Variants in DAB1 observed in about 807,000 individuals in gnomAD.
The protein encoded by DAB1 is disabled homolog 1.
A neutral mutation model predicts 64.6 loss-of-function variants in DAB1; 15 were observed. That is an observed-to-expected ratio of 0.23 (90% CI 0.16 to 0.36). DAB1 has a LOEUF of 0.36. DAB1 is among the 10% of genes least tolerant of loss of function. The pLI, the probability that DAB1 is intolerant of heterozygous loss-of-function variation, is 1.00. For missense variants in DAB1, 596 were observed against 706.7 expected (o/e 0.84, Z 1.78); for synonymous variants, 235 against 251.9 (o/e 0.93, Z 0.64).
chr1:58,424,723 A>G (rs1035184326), intron 3 of DAB1, among the ~76,000 whole-genome samples: 8 of 152,204 alleles, frequency 5.3e-5, no homozygotes, highest in Non-Finnish European at 7.3e-5. Context: ...GCTCAAAACT[A>G]AAATAATAGC....
intron 3 of DAB1, among the ~76,000 whole-genome samples, chr1:58,426,820 C>A (rs570703223): frequency 1.3e-5 from 2 of 152,242 alleles, no homozygotes; most frequent in South Asian, 4.1e-4. Context: ...TGAGTAAAAT[C>A]TATACTCTAT....
Position 57,251,409 on chromosome 1 carries a change from T to C in DAB1, c.67+39555A>G, listed in dbSNP as rs79075952. Among the ~76,000 whole-genome samples the C allele has an allele frequency of 1.1e-3, 161 of 152,328 alleles. 1 individual carries two copies. The highest frequency in any genetic ancestry group is 3.8e-3 in the African/African-American group (157 of 41,580). The stretch of plus-strand genomic sequence containing the variant: ...TTTGGTGAGGATGTACACCGTTTCA[T>C]CTTATAGGCAGATAAGTCTCCTTTA... On this transcript the variant is annotated intron_variant, in intron 2 of 14. Transcript: ENST00000371236.
chr1:57,035,968 G>A (rs1034183309), intron 9 of DAB1, among the ~76,000 whole-genome samples: 6 of 147,802 alleles, frequency 4.1e-5, no homozygotes, highest in East Asian at 2.0e-4. Flanking sequence ...TCAGCCTCCC[G>A]AGTAGCTGGA....
At chr1:58,059,106 T>A (rs1648329153) in intron 5 of DAB1, among the ~76,000 whole-genome samples, 1 of 152,230 alleles carries the variant, frequency 6.6e-6, no homozygotes, top group Admixed American at 6.5e-5. Context: ...TGTCCCTGCC[T>A]GTCTCCCTTA....
intron 3 of DAB1, among the ~76,000 whole-genome samples, chr1:58,398,412 G>A (rs1241593618): frequency 1.3e-5 from 2 of 152,162 alleles, no homozygotes; most frequent in African/African-American, 2.4e-5. Context: ...TCCTCTCCAC[G>A]TTAGAGACGG....
chr1:58,516,284 T>C (rs917362948), intron 2 of DAB1, among the ~76,000 whole-genome samples: 4 of 152,212 alleles, frequency 2.6e-5, no homozygotes, highest in African/African-American at 9.6e-5. Flanking sequence ...AAGAAACTGT[T>C]ACGAAAAAAT....
chr1:58,056,264 A>T (rs756726371), intron 5 of DAB1: 1 of 1,331,254 alleles, frequency 7.5e-7, no homozygotes, highest in Admixed American at 1.7e-5. Context: ...CTCACACAGT[A>T]ATGTAGCTTC....
intron 7 of DAB1, among the ~76,000 whole-genome samples, chr1:57,590,893 C>G (rs941266252): frequency 6.6e-6 from 1 of 152,128 alleles, no homozygotes; most frequent in Non-Finnish European, 1.5e-5. Context: ...ATACATACAT[C>G]TCATCCTAGA....
intron 5 of DAB1, among the ~76,000 whole-genome samples, chr1:57,920,882 C>T (rs1237780561): frequency 6.6e-6 from 1 of 152,062 alleles, no homozygotes; most frequent in South Asian, 2.1e-4. Context: ...CACACAGGGG[C>T]CCTATCTACC....
At chr1:58,068,092 G>A (rs1046010031) in intron 5 of DAB1, among the ~76,000 whole-genome samples, 1 of 152,196 alleles carries the variant, frequency 6.6e-6, no homozygotes, top group Non-Finnish European at 1.5e-5. Flanking sequence ...TTTTCTATGT[G>A]AGACTCCAAA....
chr1:57,683,163 A>G (rs1209078521), intron 6 of DAB1, among the ~76,000 whole-genome samples: 1 of 152,156 alleles, frequency 6.6e-6, no homozygotes, highest in Non-Finnish European at 1.5e-5. Flanking sequence ...TACTCTTAGA[A>G]CACTGAGAGG....
intron 5 of DAB1, among the ~76,000 whole-genome samples, chr1:58,028,428 C>A (rs187964892): frequency 1.7e-4 from 26 of 152,192 alleles, no homozygotes; most frequent in Admixed American, 1.4e-3. Flanking sequence ...TAAAGCATAC[C>A]CCATGTGTTT....
chr1:58,384,461 TTAAAAA>T (rs1644416565), intron 3 of DAB1, among the ~76,000 whole-genome samples: 4 of 152,148 alleles, frequency 2.6e-5, no homozygotes, highest in Admixed American at 1.3e-4. Context: ...TAGCCTATAG[TTAAAAA>T]TAAAATATTG....
At chr1:57,275,926 G>A (rs1478249723) in intron 2 of DAB1, among the ~76,000 whole-genome samples, 2 of 152,320 alleles carry the variant, frequency 1.3e-5, no homozygotes, top group East Asian at 3.9e-4. Context: ...GCTTAAGCAA[G>A]ATTTGACAAA....
upstream of DAB1, among the ~76,000 whole-genome samples, chr1:57,425,872 T>C (rs971907555): frequency 5.3e-5 from 8 of 152,186 alleles, no homozygotes; most frequent in African/African-American, 1.9e-4. Context: ...GATATGCTTC[T>C]ACACTGTGTA....
chr1:57,312,680 A>T (rs920642336), intron 1 of DAB1, among the ~76,000 whole-genome samples: 1 of 152,068 alleles, frequency 6.6e-6, no homozygotes, highest in African/African-American at 2.4e-5. Context: ...CATTTACTGG[A>T]GTAAAGTGTC....
intron 5 of DAB1, among the ~76,000 whole-genome samples, chr1:58,016,861 C>T (rs747361931): frequency 6.6e-6 from 1 of 152,132 alleles, no homozygotes; most frequent in Non-Finnish European, 1.5e-5. Flanking sequence ...GGATCCTTGA[C>T]GTACAATAGA....
At chr1:58,063,446 A>T (rs1648638257) in intron 5 of DAB1, among the ~76,000 whole-genome samples, 1 of 152,160 alleles carries the variant, frequency 6.6e-6, no homozygotes, top group Non-Finnish European at 1.5e-5. Context: ...AAGCACCAGA[A>T]CCTAAAGTCC....
chr1:58,184,719 C>T (rs1007703836), intron 4 of DAB1, among the ~76,000 whole-genome samples: 4 of 152,130 alleles, frequency 2.6e-5, no homozygotes, highest in Non-Finnish European at 5.9e-5. Flanking sequence ...CTGGGGAGGT[C>T]CACATTTTCC....
Sources: allele counts gnomAD v4.1 joint callset (sites outside exome capture counted in the v4.1 genomes callset), GRCh38; gene constraint gnomAD v4.1.1; transcripts MANE v1.5; gene names NCBI Gene and HGNC (gene_info 2026-07-23, HGNC 2026-07-21).